The following UGT8 variants were observed in gnomAD, a reference collection of about 807,000 sequenced individuals.
UGT8 encodes the protein 2-hydroxyacylsphingosine 1-beta-galactosyltransferase.
A neutral mutation model predicts 40.5 loss-of-function variants in UGT8; 12 were observed. The observed-to-expected ratio is 0.30, with a 90% CI of 0.19 to 0.48. UGT8 has a LOEUF of 0.48. Among genes scored for constraint, UGT8 ranks in the 20% least tolerant of loss-of-function variants. The pLI is 0.99. For missense variants in UGT8, 513 were observed against 648.7 expected, an observed-to-expected ratio of 0.79 and a Z score of 2.27; for synonymous variants, 224 against 240.4, an observed-to-expected ratio of 0.93 and a Z score of 0.63.
intron 5 of UGT8, 86 bp from the exon 6 acceptor site, chr4:114,675,836 AATT>A: frequency 6.9e-7 from 1 of 1,440,974 alleles, no homozygotes; most frequent in Non-Finnish European, 9.2e-7. Context: ...TAGTTGTTTT[AATT>A]ATTTCCCCTT....
chr4:114,674,630 A>C (rs1241484759), intron 5 of UGT8, among the ~76,000 whole-genome samples: 4 of 152,186 alleles, frequency 2.6e-5, no homozygotes, highest in Non-Finnish European at 5.9e-5. Flanking sequence ...CTTCCAATCT[A>C]ATTTCTAACT....
chr4:114,645,016 T>G (rs1297706342), intron 2 of UGT8, among the ~76,000 whole-genome samples: 1 of 138,172 alleles, frequency 7.2e-6, no homozygotes, highest in Non-Finnish European at 1.6e-5. Flanking sequence ...TATAATTAAT[T>G]ATAACACTCT....
intron 1 of UGT8, among the ~76,000 whole-genome samples, chr4:114,616,301 G>A (rs906750986): frequency 3.3e-5 from 5 of 152,134 alleles, no homozygotes; most frequent in African/African-American, 9.7e-5. Flanking sequence ...CGGCAGTGGC[G>A]GGCGCCCCTC....
intron 1 of UGT8, among the ~76,000 whole-genome samples, chr4:114,603,363 A>C (rs1160917577): frequency 1.3e-5 from 2 of 152,202 alleles, no homozygotes; most frequent in Non-Finnish European, 2.9e-5. Flanking sequence ...AGAAACATTT[A>C]GGAGTTTTCA....
intron 5 of UGT8, among the ~76,000 whole-genome samples, chr4:114,673,013 G>A (rs1373416868): frequency 6.6e-6 from 1 of 151,980 alleles, no homozygotes; most frequent in Non-Finnish European, 1.5e-5. Flanking sequence ...TATTAACTTC[G>A]CACATATCCA....
At chr4:114,652,944 G>GA (rs1299713810) in intron 2 of UGT8, among the ~76,000 whole-genome samples, 1 of 151,992 alleles carries the variant, frequency 6.6e-6, no homozygotes, top group Non-Finnish European at 1.5e-5. Flanking sequence ...ACACAGTCTA[G>GA]AAGGCACTGT....
chr4:114,665,785 T>G, intron 4 of UGT8, 29 bp downstream of exon 4: 1 of 1,567,842 alleles, frequency 6.4e-7, no homozygotes, highest in Admixed American at 2.0e-5. Flanking sequence ...GTTACTTACT[T>G]GGCTGTTAGG....
intron 2 of UGT8, among the ~76,000 whole-genome samples, chr4:114,625,822 G>A (rs963453008): frequency 2.0e-5 from 3 of 152,014 alleles, no homozygotes; most frequent in African/African-American, 7.3e-5. Flanking sequence ...TCGACATAAG[G>A]TATTACTCAA....
At chr4:114,634,927 T>G (rs576341040) in intron 2 of UGT8, among the ~76,000 whole-genome samples, 1 of 152,260 alleles carries the variant, frequency 6.6e-6, no homozygotes, top group East Asian at 1.9e-4. Flanking sequence ...TCTAGTGCAG[T>G]TGGCAGATCT....
At chr4:114,663,111 C>A (rs1734652513) in intron 2 of UGT8, among the ~76,000 whole-genome samples, 2 of 152,078 alleles carry the variant, frequency 1.3e-5, no homozygotes, top group South Asian at 4.1e-4. Flanking sequence ...GCGTGAGCCA[C>A]CATGCCTGGC....
At chr4:114,615,523 A>G (rs1051997383) in intron 1 of UGT8, among the ~76,000 whole-genome samples, 6 of 152,130 alleles carry the variant, frequency 3.9e-5, no homozygotes, top group Non-Finnish European at 7.4e-5. Context: ...GACTTAGGAA[A>G]GGTAGCTTAG....
intron 2 of UGT8, 83 bp from the exon 3 acceptor site, chr4:114,663,912 T>C (rs1287339598): frequency 1.3e-6 from 2 of 1,540,996 alleles, no homozygotes; most frequent in African/African-American, 1.4e-5. Context: ...CTTAAAAGGT[T>C]TTTTTTTAAC....
intron 2 of UGT8, among the ~76,000 whole-genome samples, chr4:114,658,330 G>A (rs1734313588): frequency 6.6e-6 from 1 of 152,188 alleles, no homozygotes; most frequent in Non-Finnish European, 1.5e-5. Context: ...TTCTCTCACA[G>A]TCCAGGCATT....
chr4:114,653,315 G>T (rs1164750500), intron 2 of UGT8, among the ~76,000 whole-genome samples: 1 of 152,010 alleles, frequency 6.6e-6, no homozygotes, highest in Non-Finnish European at 1.5e-5. Flanking sequence ...GCATATTGTG[G>T]CCTTTGCCTA....
chr4:114,642,371 A>G (rs1733279236), intron 2 of UGT8, among the ~76,000 whole-genome samples: 1 of 152,128 alleles, frequency 6.6e-6, no homozygotes. Flanking sequence ...CTCAGCACAT[A>G]TTAGGCCCTC....
intron 1 of UGT8, among the ~76,000 whole-genome samples, chr4:114,612,495 G>A (rs545242486): frequency 2.0e-5 from 3 of 152,020 alleles, no homozygotes; most frequent in Non-Finnish European, 4.4e-5. Flanking sequence ...TCAAAGATTG[G>A]CCCATCTACC....
At chr4:114,610,743 A>G (rs1730989933) in intron 1 of UGT8, among the ~76,000 whole-genome samples, 2 of 152,144 alleles carry the variant, frequency 1.3e-5, no homozygotes, top group Admixed American at 1.3e-4. Context: ...TGAATAGGAA[A>G]ATACCTAGAG....
intron 2 of UGT8, among the ~76,000 whole-genome samples, chr4:114,629,658 T>C (rs1190683311): frequency 6.6e-6 from 1 of 152,198 alleles, no homozygotes; most frequent in Non-Finnish European, 1.5e-5. Context: ...GTTGAAACTA[T>C]CAATGACTTA....
chr4:114,608,838 A>T (rs1306835246), intron 1 of UGT8, among the ~76,000 whole-genome samples: 1 of 152,186 alleles, frequency 6.6e-6, no homozygotes, highest in African/African-American at 2.4e-5. Flanking sequence ...ATGTCATGAA[A>T]CCATAGTTGG....
Sources: allele counts gnomAD v4.1 joint callset (sites outside exome capture counted in the v4.1 genomes callset), GRCh38; gene constraint gnomAD v4.1.1; transcripts MANE v1.5; gene names NCBI Gene and HGNC (gene_info 2026-07-23, HGNC 2026-07-21).